The following DOCK3 variants were observed in gnomAD, a reference collection of about 807,000 sequenced individuals.
DOCK3 encodes dedicator of cytokinesis protein 3.
Under a neutral mutation model 265.6 loss-of-function variants are expected in DOCK3, and 60 were observed. That is an observed-to-expected ratio of 0.23 (90% CI 0.18 to 0.28). The LOEUF (loss-of-function observed/expected upper bound fraction) is 0.28. Among genes scored for constraint, DOCK3 ranks in the 10% least tolerant of loss-of-function variants. The pLI is 1.00. For missense variants in DOCK3, 1,981 were observed against 2,594.3 expected, an observed-to-expected ratio of 0.76 and a Z score of 5.14; for synonymous variants, 881 against 938.0, an observed-to-expected ratio of 0.94 and a Z score of 1.11.
intron 12 of DOCK3, among the ~76,000 whole-genome samples, chr3:51,207,113 G>A (rs1237247734): frequency 1.3e-5 from 2 of 152,182 alleles, no homozygotes; most frequent in African/African-American, 4.8e-5. Flanking sequence ...AGGAAGGCTT[G>A]TAGGGTAAGA....
At chr3:51,276,369 G>T (rs2080819677) in intron 25 of DOCK3, 1 of 985,362 alleles carries the variant, frequency 1.0e-6, no homozygotes. Context: ...TATTGAGGGG[G>T]TGGACAGCTT....
intron 24 of DOCK3, among the ~76,000 whole-genome samples, chr3:51,271,733 C>T (rs1358587259): frequency 6.6e-6 from 1 of 152,062 alleles, no homozygotes; most frequent in East Asian, 1.9e-4. Flanking sequence ...CACCTGTAAT[C>T]CCAGCTACTC....
rs550551100 is a variant in DOCK3, at chr3:51,277,816, C to T, written c.2823+62C>T. 8.3e-6 allele frequency: 13 copies of T among 1,561,166 alleles called. No individual in the cohort carries two copies. The Admixed American group carries it at 9.6e-5, about 11-fold the overall frequency. On this transcript the variant is annotated intron_variant, in intron 26 of 52. Transcript: ENST00000266037. Reference sequence around the variant, plus strand: ...TCTAACCCGGGGCTTCTCCACAACACTCCCCCTCCATCTTACCATCCCACC... The same window carrying T: ...TCTAACCCGGGGCTTCTCCACAACATTCCCCCTCCATCTTACCATCCCACC...
At chr3:51,315,164 A>G in intron 32 of DOCK3, 36 bp downstream of exon 32, 1 of 1,557,336 alleles carries the variant, frequency 6.4e-7, no homozygotes, top group Non-Finnish European at 8.7e-7. Flanking sequence ...TATTCTCTGG[A>G]ATGGATCCCT....
chr3:50,940,453 A>G (rs532384822), intron 5 of DOCK3, among the ~76,000 whole-genome samples: 1 of 152,306 alleles, frequency 6.6e-6, no homozygotes, highest in South Asian at 2.1e-4. Flanking sequence ...GACATATTAA[A>G]AATATTTGTT....
In DOCK3 at chr3:50,992,375, G is replaced by GC. The variant is rs111597108; in HGVS notation, c.315+58299dup. On this transcript the variant is annotated intron_variant, in intron 5 of 52. Transcript: ENST00000266037. Reference sequence around the variant, plus strand: ...TGAAGTGGCGTGATCTCAGCTCACTGCAACCTCCATCTGCCAGGTTCCAGC... The same window carrying GC: ...TGAAGTGGCGTGATCTCAGCTCACTGCCAACCTCCATCTGCCAGGTTCCAGC... Among the ~76,000 whole-genome samples the GC allele has an allele frequency of 3.5e-3, 529 of 152,292 alleles. 4 individuals are homozygous for GC. Among genetic ancestry groups the GC allele is most frequent in the African/African-American group, 0.012 (510 of 41,558 alleles).
At chr3:50,801,420 T>A (rs1319919914) in intron 2 of DOCK3, among the ~76,000 whole-genome samples, 1 of 151,762 alleles carries the variant, frequency 6.6e-6, no homozygotes, top group Non-Finnish European at 1.5e-5. Context: ...ATAATTGGAA[T>A]GAGTCAGGGT....
rs541472022 is a variant in DOCK3, at chr3:50,755,736, C to T, written c.38-22939C>T. ...TGTCCATGTATTTGCCTATACTGGA[C>T]ATTTCATATAAATGGAATCATATAA... is the stretch of plus-strand genomic sequence containing the variant. On this transcript the variant is annotated intron_variant, in intron 1 of 52. Transcript: ENST00000266037. Among the ~76,000 whole-genome samples, 4 of 152,248 alleles carry T rather than the reference C, an allele frequency of 2.6e-5. No homozygotes were observed. The East Asian group carries it at 7.7e-4, about 29-fold the overall frequency.
At chr3:51,255,725 G>A (rs867190498) in intron 22 of DOCK3, among the ~76,000 whole-genome samples, 9 of 152,224 alleles carry the variant, frequency 5.9e-5, no homozygotes, top group African/African-American at 1.4e-4. Flanking sequence ...AGTCATTTAA[G>A]GTCTTCTCTA....
At chr3:50,750,795 G>T (rs1212564377) in intron 1 of DOCK3, among the ~76,000 whole-genome samples, 1 of 152,178 alleles carries the variant, frequency 6.6e-6, no homozygotes, top group Non-Finnish European at 1.5e-5. Flanking sequence ...CTCCCAGAGT[G>T]TGTTACTCCA....
intron 27 of DOCK3, among the ~76,000 whole-genome samples, chr3:51,301,709 C>G (rs2082369176): frequency 6.6e-6 from 1 of 152,118 alleles, no homozygotes; most frequent in Non-Finnish European, 1.5e-5. Flanking sequence ...CACTCAGGAG[C>G]AGGTTGTTCA....
chr3:50,801,998 A>G (rs377561608), intron 2 of DOCK3, among the ~76,000 whole-genome samples: 16 of 152,136 alleles, frequency 1.1e-4, no homozygotes, highest in African/African-American at 3.6e-4. Context: ...TTCGTCCAAT[A>G]TAAGTATAGC....
At chr3:50,772,958 C>A (rs565453853) in intron 1 of DOCK3, among the ~76,000 whole-genome samples, 1 of 151,732 alleles carries the variant, frequency 6.6e-6, no homozygotes, top group Non-Finnish European at 1.5e-5. Context: ...AGTATGGAAC[C>A]ACAAAAGACC....
At chr3:50,757,317 G>T (rs192588326) in intron 1 of DOCK3, among the ~76,000 whole-genome samples, 1 of 151,604 alleles carries the variant, frequency 6.6e-6, no homozygotes, top group African/African-American at 2.4e-5. Flanking sequence ...GATTACAGGC[G>T]CGCATCACCA....
chr3:50,905,122 T>C (rs1237190924), intron 4 of DOCK3, among the ~76,000 whole-genome samples: 2 of 152,112 alleles, frequency 1.3e-5, no homozygotes, highest in Non-Finnish European at 2.9e-5. Flanking sequence ...TTGGTCTATA[T>C]CTCTGTTTTT....
At chr3:50,900,749 G>A (rs773316451) in intron 4 of DOCK3, 2 of 448,154 alleles carry the variant, frequency 4.5e-6, no homozygotes, top group Admixed American at 2.4e-5. Flanking sequence ...CTGCAGGTCT[G>A]CTGGAGTTTG....
intron 2 of DOCK3, among the ~76,000 whole-genome samples, chr3:50,784,235 A>G (rs1218705383): frequency 6.6e-6 from 1 of 152,148 alleles, no homozygotes; most frequent in Non-Finnish European, 1.5e-5. Context: ...TGACTTGCCA[A>G]TTATCCCAGC....
chr3:51,124,997 G>C (rs2084205022), intron 9 of DOCK3, among the ~76,000 whole-genome samples: 1 of 148,994 alleles, frequency 6.7e-6, no homozygotes, highest in Admixed American at 6.7e-5. Context: ...AAATTAGCCA[G>C]ATTTGGTGGC....
intron 9 of DOCK3, among the ~76,000 whole-genome samples, chr3:51,130,329 C>A (rs1010398096): frequency 6.6e-6 from 1 of 152,132 alleles, no homozygotes; most frequent in Admixed American, 6.5e-5. Context: ...GTTGATATAC[C>A]CCTGAGGTAG....
Sources: gnomAD v4.1 joint callset for allele counts (sites outside exome capture counted in the v4.1 genomes callset) on GRCh38, gnomAD v4.1.1 for gene constraint, MANE v1.5 for transcripts, NCBI Gene and HGNC (gene_info 2026-07-23, HGNC 2026-07-21) for gene names.